The following SLC41A3 variants were observed in gnomAD, a reference collection of about 807,000 sequenced individuals.
SLC41A3 encodes the protein SLC41A1-like 2.
In SLC41A3, 44 loss-of-function variants were observed where a neutral mutation model predicts 45.4. The observed-to-expected ratio is 0.97, with a 90% CI of 0.76 to 1.25. SLC41A3 has a LOEUF of 1.25. SLC41A3 is among the 50% of genes most tolerant of loss of function. SLC41A3 has a pLI of 0.00. For synonymous variants in SLC41A3, 256 were observed against 252.4 expected (o/e 1.01, Z -0.13); for missense variants, 550 against 600.6 (o/e 0.92, Z 0.88).
At position 126,026,411 on chromosome 3, in the gene SLC41A3, C is replaced by T. The variant is rs368936591; in HGVS notation, c.522G>A (p.Glu174=). The change falls in exon 5 of 11, where the codon GAG becomes GAA. Residue 174 remains glutamate (E), a synonymous_variant. Coordinates refer to ENST00000360370, the MANE Select transcript of SLC41A3 (RefSeq NM_017836.4). This position sits in a 1 kb window ranked among gnomAD's most constrained non-coding sequence, Gnocchi z 4.2. ...AALLLGVVSR[E]EVDVAKVELL... is the part of the protein sequence containing the mutation. ...ACTCCACCTTGGCGACATCCACTTC[C>T]TCTCGAGACACCACGCCCAACAGCA... 5.0e-6 allele frequency: 8 copies of T among 1,595,970 alleles called. No homozygotes were observed. The African/African-American group carries it at 8.0e-5, about 16-fold the overall frequency.
chr3:126,044,995 T>C (rs891091527), intron 3 of SLC41A3, among the ~76,000 whole-genome samples: 13 of 149,074 alleles, frequency 8.7e-5, no homozygotes, highest in Non-Finnish European at 1.5e-4. Flanking sequence ...CAGAAGTATC[T>C]CCAAAAATGT....
At chr3:126,072,558 A>C (rs1437626746) in intron 1 of SLC41A3, among the ~76,000 whole-genome samples, 1 of 152,214 alleles carries the variant, frequency 6.6e-6, no homozygotes, top group Non-Finnish European at 1.5e-5. Context: ...GATTAACTGT[A>C]AGCCAACAAA....
rs576489475 is a variant in SLC41A3, at chr3:126,038,983, A to G, written c.382-5305T>C. 3.9e-5 allele frequency among the ~76,000 whole-genome samples: 6 copies of G among 152,052 alleles called. No homozygotes were observed. The South Asian group carries it at 1.0e-3, about 26-fold the overall frequency. ...TGAGTTCACATGGGAGCTGATTAAG[A>G]GTTTAGCACCTCCTCCCTCCCTCTC... On this transcript the variant is annotated intron_variant, in intron 3 of 10. Transcript: ENST00000360370.
upstream of SLC41A3, among the ~76,000 whole-genome samples, chr3:126,088,423 A>G (rs746913941): frequency 6.6e-6 from 1 of 152,200 alleles, no homozygotes; most frequent in Non-Finnish European, 1.5e-5. Flanking sequence ...AGTCATGTTA[A>G]AACCTCAGTT....
At chr3:126,069,170 A>C (rs1307768065) in intron 1 of SLC41A3, among the ~76,000 whole-genome samples, 2 of 151,722 alleles carry the variant, frequency 1.3e-5, no homozygotes, top group African/African-American at 4.8e-5. Context: ...ATAGTGCCAC[A>C]CCCATGGCTA....
intron 10 of SLC41A3, among the ~76,000 whole-genome samples, chr3:126,007,783 C>A (rs1939251783): frequency 6.6e-6 from 1 of 152,194 alleles, no homozygotes; most frequent in African/African-American, 2.4e-5. Flanking sequence ...GAACATACCA[C>A]AATTACAAAT....
In SLC41A3 at chr3:126,026,599, T is replaced by C; in HGVS notation, c.454-120A>G. 2.3e-6 allele frequency: 3 copies of C among 1,296,956 alleles called. No homozygotes were observed. The highest frequency in any genetic ancestry group is 2.5e-5 in the East Asian group (1 of 39,452). The allele number at this position is 1,296,956 out of a possible 1,614,324, so 80.3% of individuals were successfully genotyped here. A position where few individuals can be genotyped will look rare whatever the true frequency, so the allele number is the denominator to read the frequency against. On this transcript the variant is annotated intron_variant, in intron 4 of 10. Transcript: ENST00000360370. The surrounding 1 kb of genome is among the most constrained non-coding windows in gnomAD (Gnocchi z 4.2). Reference sequence around the variant, plus strand: ...CCACATGCTACTGCCTCCTTTCCCTTACCCTAAAATCTCACAGGCCCTCAC... The same window carrying C: ...CCACATGCTACTGCCTCCTTTCCCTCACCCTAAAATCTCACAGGCCCTCAC...
chr3:126,062,352 C>G (rs1271122342), intron 2 of SLC41A3, among the ~76,000 whole-genome samples: 1 of 152,208 alleles, frequency 6.6e-6, no homozygotes, highest in Non-Finnish European at 1.5e-5. Context: ...ATTTCACCAG[C>G]CTCTCAGACA....
intron 10 of SLC41A3, 128 bp downstream of exon 10, chr3:126,008,604 G>T: frequency 1.5e-6 from 2 of 1,311,350 alleles, no homozygotes; most frequent in Non-Finnish European, 1.1e-6. Context: ...ACTCCTGGAA[G>T]ATAAGGACTG....
chr3:126,033,460 ATTGGATGTGGGAGGGACAGG>A, intron 4 of SLC41A3, 127 bp downstream of exon 4: 1 of 814,370 alleles, frequency 1.2e-6, no homozygotes, highest in South Asian at 1.7e-5. Context: ...AATGTGGTCT[ATTGGATGTGGGAGGGACAGG>A]TAGCTACCTG....
chr3:126,043,240 T>G (rs922875027), intron 3 of SLC41A3, among the ~76,000 whole-genome samples: 1 of 152,110 alleles, frequency 6.6e-6, no homozygotes, highest in Non-Finnish European at 1.5e-5. Context: ...GAGGTAATAT[T>G]AATATATTTA....
Position 126,007,093 on chromosome 3 carries a change from A to G in SLC41A3, c.1387T>C (p.Cys463Arg), listed in dbSNP as rs1242149900. The G allele has an allele frequency of 3.1e-6, 5 of 1,614,102 alleles. No individual in the cohort carries two copies. The highest frequency in any genetic ancestry group is 4.2e-6 in the Non-Finnish European group (5 of 1,180,046). Residue 463 changes from cysteine to arginine, a missense_variant, in exon 11 of 11, where the codon TGC becomes CGC. Transcript: ENST00000360370. The stretch of plus-strand genomic sequence containing the variant: ...TTCAGTAGCCAGTCAGTGAAAAAGC[A>G]GAGTGCCAGGAGGCCAGTACCGAGC... Reference protein sequence around the residue: ...DLLGTGLLALCFFTDWLLKSK... With the variant: ...DLLGTGLLALRFFTDWLLKSK...
chr3:126,040,502 C>G (rs920581266), intron 3 of SLC41A3, among the ~76,000 whole-genome samples: 3 of 152,126 alleles, frequency 2.0e-5, no homozygotes, highest in Non-Finnish European at 1.5e-5. Flanking sequence ...CAGAAGGGAG[C>G]CTGGAGCAGC....
chr3:126,014,459 T>C (rs1443410279), intron 8 of SLC41A3, among the ~76,000 whole-genome samples: 2 of 152,120 alleles, frequency 1.3e-5, no homozygotes, highest in Non-Finnish European at 2.9e-5. Flanking sequence ...ACCCCTGCCA[T>C]TTCTCACTGT....
At chr3:126,040,636 C>T (rs567774163) in intron 3 of SLC41A3, among the ~76,000 whole-genome samples, 14 of 152,074 alleles carry the variant, frequency 9.2e-5, no homozygotes, top group South Asian at 4.2e-4. Context: ...GCAGATGCAG[C>T]GAGAGTGTTG....
At chr3:126,057,473 C>G (rs1453243862) in intron 2 of SLC41A3, among the ~76,000 whole-genome samples, 1 of 152,352 alleles carries the variant, frequency 6.6e-6, no homozygotes, top group Admixed American at 6.5e-5. Flanking sequence ...GGCCTGAGGG[C>G]AGGCTGGGGC....
In SLC41A3 at chr3:126,026,247, C is replaced by T. The variant is rs925061237; in HGVS notation, c.598+88G>A. ...TCCCATTAGCAGTGGGACTCACACC[C>T]CCAGAAACTGAAAACACAATGAGCT... On this transcript the variant is annotated intron_variant, in intron 5 of 10. Transcript: ENST00000360370. This position sits in a 1 kb window ranked among gnomAD's most constrained non-coding sequence, Gnocchi z 4.2. 7 of 1,510,114 alleles carry T rather than the reference C, an allele frequency of 4.6e-6. No individual in the cohort carries two copies. The South Asian group carries it at 5.2e-5, about 11-fold the overall frequency. 93.5% of individuals were successfully genotyped at this position (1,510,114 alleles called of 1,614,324 possible).
chr3:126,017,361 C>T (rs3792282), intron 6 of SLC41A3, among the ~76,000 whole-genome samples: 43,367 of 152,132 alleles, frequency 0.29, 6,343 homozygotes, highest in African/African-American at 0.33. Context: ...GTCCATGGAA[C>T]GCCAGGGCCG....
At position 126,008,808 on chromosome 3, in the gene SLC41A3, A is replaced by G; in HGVS notation, c.1178T>C (p.Ile393Thr). The G allele has an allele frequency of 6.2e-7, 1 of 1,614,148 alleles. No individual in the cohort carries two copies. Among genetic ancestry groups the G allele is most frequent in the Non-Finnish European group, 8.5e-7 (1 of 1,180,018 alleles). Residue 393 changes from isoleucine to threonine, a missense_variant, in exon 10 of 11, where the codon ATC becomes ACC. Coordinates refer to ENST00000360370, the MANE Select transcript of SLC41A3 (RefSeq NM_017836.4). The stretch of plus-strand genomic sequence containing the variant: ...GACTGACTGACCCTCCACCAGGTAG[A>G]TGATGTAGAAGAAAATCAGATGGCC... ...VPGHLIFFYI[I>T]YLVEGQSVIN...
Sources: gnomAD v4.1 joint callset for allele counts (sites outside exome capture counted in the v4.1 genomes callset) on GRCh38, gnomAD v4.1.1 for gene constraint, Gnocchi (gnomAD v3.1) non-coding constraint, MANE v1.5 for transcripts, NCBI Gene and HGNC (gene_info 2026-07-23, HGNC 2026-07-21) for gene names.